PPP3CA: variants seen among roughly 807,000 people sequenced by gnomAD.
PPP3CA encodes the protein protein phosphatase 3 catalytic subunit alpha.
A neutral mutation model predicts 66.5 loss-of-function variants in PPP3CA; 14 were observed. The observed-to-expected ratio is 0.21, with a 90% confidence interval of 0.14 to 0.33. The LOEUF (loss-of-function observed/expected upper bound fraction) is 0.33. Ranked by LOEUF, PPP3CA falls within the 10% of genes least tolerant of loss-of-function variation. The pLI is 1.00. For synonymous variants in PPP3CA, 232 were observed against 226.2 expected (o/e 1.03, Z -0.23); for missense variants, 317 against 639.5 (o/e 0.50, Z 5.44).
At chr4:101,266,520 T>C (rs1299191609) in intron 1 of PPP3CA, among the ~76,000 whole-genome samples, 1 of 152,196 alleles carries the variant, frequency 6.6e-6, no homozygotes, top group Non-Finnish European at 1.5e-5. Flanking sequence ...ATCACAGTGT[T>C]ATTCAGTCTA....
In PPP3CA at chr4:101,029,183, G is replaced by A. The variant is rs1330073156; in HGVS notation, c.1352C>T (p.Ala451Val). The A allele has an allele frequency of 1.9e-6, 3 of 1,608,034 alleles. No individual in the cohort carries two copies. Among genetic ancestry groups the A allele is most frequent in the South Asian group, 1.1e-5 (1 of 90,952 alleles). The stretch of plus-strand genomic sequence containing the variant: ...CAATTTACCTTCATCAGCCTCAATA[G>A]CCTCAACAGTAGCTGAAGAGAAGAA... ...KQTLQSATVE[A>V]IEADEAIKGF... is the part of the protein sequence containing the mutation. Residue 451 changes from alanine (A) to valine (V), a missense_variant, in exon 13 of 14, where the codon GCT becomes GTT. Around this residue, in one of 3 missense-constraint regions of PPP3CA, gnomAD observed 201 missense variants for 501.4 expected, o/e 0.40. Coordinates refer to ENST00000394854, the MANE Select transcript of PPP3CA (RefSeq NM_000944.5).
intron 9 of PPP3CA, 130 bp from the exon 10 acceptor site, chr4:101,061,291 G>A: frequency 2.8e-6 from 2 of 726,398 alleles, no homozygotes; most frequent in Non-Finnish European, 2.3e-6. Flanking sequence ...AGCAGTTTCA[G>A]TAAACATCCA....
At chr4:101,141,993 T>A (rs866594967) in intron 2 of PPP3CA, among the ~76,000 whole-genome samples, 2 of 148,588 alleles carry the variant, frequency 1.3e-5, no homozygotes, top group African/African-American at 2.5e-5. Flanking sequence ...TGGAGGATGA[T>A]AGGAAAAGGC....
intron 2 of PPP3CA, among the ~76,000 whole-genome samples, chr4:101,149,319 A>T (rs765495954): frequency 6.6e-6 from 1 of 152,196 alleles, no homozygotes; most frequent in Non-Finnish European, 1.5e-5. Context: ...GTTAGAAAAC[A>T]TCACTTTTAG....
At chr4:101,257,455 G>A (rs981612218) in intron 1 of PPP3CA, among the ~76,000 whole-genome samples, 1 of 151,364 alleles carries the variant, frequency 6.6e-6, no homozygotes, top group Non-Finnish European at 1.5e-5. Context: ...TTTGTTTATA[G>A]GCTGTGTTAA....
intron 1 of PPP3CA, among the ~76,000 whole-genome samples, chr4:101,344,885 G>T (rs1216308648): frequency 6.6e-6 from 1 of 152,084 alleles, no homozygotes; most frequent in Non-Finnish European, 1.5e-5. Flanking sequence ...GCTTTACATT[G>T]TTTTGATCTT....
chr4:101,207,646 G>T (rs1300357620), intron 1 of PPP3CA, among the ~76,000 whole-genome samples: 1 of 152,132 alleles, frequency 6.6e-6, no homozygotes, highest in Admixed American at 6.5e-5. Context: ...GGCCAACATG[G>T]TGAAACCCCG....
chr4:101,088,095 C>A (rs990855383), intron 6 of PPP3CA, among the ~76,000 whole-genome samples: 1 of 152,178 alleles, frequency 6.6e-6, no homozygotes, highest in Non-Finnish European at 1.5e-5. Flanking sequence ...GGTTAGGATT[C>A]CCAACACACT....
chr4:101,095,649 G>C (rs1730162767), intron 5 of PPP3CA, among the ~76,000 whole-genome samples: 1 of 152,142 alleles, frequency 6.6e-6, no homozygotes, highest in Admixed American at 6.5e-5. Flanking sequence ...TATTCATGCA[G>C]AAAGAAACAT....
chr4:101,275,079 C>A lies in PPP3CA; in HGVS notation c.58+71660G>T, dbSNP rs150140557. 6.2e-3 allele frequency among the ~76,000 whole-genome samples: 950 copies of A among 152,226 alleles called. 5 individuals are homozygous for A. The highest frequency in any genetic ancestry group is 0.01 in the Non-Finnish European group (706 of 68,002). On this transcript the variant is annotated intron_variant, in intron 1 of 13. Transcript: ENST00000394854. ...AACATGGCAGAAAGTCTTTCACTGA[C>A]CCTACTTCCTCATTAGCCTCATTAT...
rs1294167679 is a variant in PPP3CA, at chr4:101,301,812, A to T, written c.58+44927T>A. ...AGCTTTTAAAGCAGTATTATATAGC[A>T]CCATATTTTATATATATATATATAT... On this transcript the variant is annotated intron_variant, in intron 1 of 13. Transcript: ENST00000394854. Among the ~76,000 whole-genome samples, 8 of 148,502 alleles carry T rather than the reference A, an allele frequency of 5.4e-5. No individual in the cohort carries two copies. In the Admixed American group the frequency reaches 5.4e-4, roughly 10 times the overall value.
chr4:101,307,508 G>A lies in PPP3CA; in HGVS notation c.58+39231C>T, dbSNP rs116184195. ...CATTAGTCAAACTCTAATATATACA[G>A]ATAAAGAAGGTAACTCCCTAAAAAA... is the stretch of plus-strand genomic sequence containing the variant. On this transcript the variant is annotated intron_variant, in intron 1 of 13. Coordinates refer to ENST00000394854, the MANE Select transcript of PPP3CA (RefSeq NM_000944.5). 9.2e-3 allele frequency among the ~76,000 whole-genome samples: 1,400 copies of A among 152,220 alleles called. 14 individuals are homozygous for A. Among genetic ancestry groups the A allele is most frequent in the African/African-American group, 0.031 (1,297 of 41,518 alleles).
intron 1 of PPP3CA, among the ~76,000 whole-genome samples, chr4:101,245,398 T>C (rs1250336713): frequency 6.6e-6 from 1 of 152,202 alleles, no homozygotes; most frequent in African/African-American, 2.4e-5. Context: ...CAAACAAGAA[T>C]TGAATTCAGT....
Position 101,347,007 on chromosome 4 carries a change from C to T in PPP3CA, c.-211G>A, listed in dbSNP as rs1293312423. 3 of 603,246 alleles carry T rather than the reference C, an allele frequency of 5.0e-6. No homozygotes were observed. Among genetic ancestry groups the T allele is most frequent in the South Asian group, 3.9e-5 (2 of 51,004 alleles). The allele number at this position is 603,246 out of a possible 1,614,324, so 37.4% of individuals were successfully genotyped here. ...GCCGCCGCCGCCTTCACTCCTCCTC[C>T]GCCGCTGCCGCCAGCCCCGCCGACT... On this transcript the variant is annotated 5_prime_UTR_variant, in exon 1 of 14. Transcript: ENST00000394854.
intron 2 of PPP3CA, among the ~76,000 whole-genome samples, chr4:101,131,425 A>G (rs1276554422): frequency 1.3e-5 from 2 of 151,314 alleles, no homozygotes; most frequent in African/African-American, 4.8e-5. Flanking sequence ...TAGAAAGAAA[A>G]AAAAAAAAAA....
At chr4:101,033,293 AACACACACACACAC>A (rs70961772) in intron 11 of PPP3CA, among the ~76,000 whole-genome samples, 22 of 139,270 alleles carry the variant, frequency 1.6e-4, no homozygotes, top group Non-Finnish European at 2.8e-4. Context: ...CACACACACA[AACACACACACACAC>A]ACACACACAC....
chr4:101,114,504 T>C (rs1300556311), intron 2 of PPP3CA, among the ~76,000 whole-genome samples: 1 of 152,108 alleles, frequency 6.6e-6, no homozygotes, highest in Non-Finnish European at 1.5e-5. Context: ...ATCTTGGTAA[T>C]TTCCCTAAGT....
At position 101,257,028 on chromosome 4, in the gene PPP3CA, G is replaced by A. The variant is rs189543169; in HGVS notation, c.59-60912C>T. On this transcript the variant is annotated intron_variant, in intron 1 of 13. Transcript: ENST00000394854. Reference sequence around the variant, plus strand: ...GGGAAGGGGTGGGATTAGAATCTTAGTATTTCTTATTATGGAACTCATTCT... The same window carrying A: ...GGGAAGGGGTGGGATTAGAATCTTAATATTTCTTATTATGGAACTCATTCT... 1.7e-3 allele frequency among the ~76,000 whole-genome samples: 262 copies of A among 152,052 alleles called. 2 individuals are homozygous for A. The highest frequency in any genetic ancestry group is 0.01 in the Middle Eastern group (3 of 294).
At chr4:101,109,194 T>A in intron 2 of PPP3CA, 116 bp from the exon 3 acceptor site, 1 of 1,091,934 alleles carries the variant, frequency 9.2e-7, no homozygotes, top group Non-Finnish European at 1.3e-6. Context: ...GCCAAAACAT[T>A]CTTTTGCAGA....
Sources: gnomAD v4.1 joint callset for allele counts (sites outside exome capture counted in the v4.1 genomes callset) on GRCh38, gnomAD v4.1.1 for gene constraint, gnomAD v4.1.1 regional missense constraint, MANE v1.5 for transcripts, NCBI Gene and HGNC (gene_info 2026-07-23, HGNC 2026-07-21) for gene names.